ECPAS: variants seen among roughly 807,000 people sequenced by gnomAD.
ECPAS encodes the protein Ecm29 proteasome adaptor and scaffold, also known as proteasome adapter and scaffold protein ECM29.
Under a neutral mutation model 255.1 loss-of-function variants are expected in ECPAS, and 70 were observed. That is an observed-to-expected ratio of 0.27 (90% CI 0.23 to 0.33). The LOEUF (loss-of-function observed/expected upper bound fraction) is 0.33, where lower values mean the gene tolerates loss of function less well. ECPAS is among the 10% of genes least tolerant of loss of function. The pLI, the probability that ECPAS is intolerant of heterozygous loss-of-function variation, is 1.00. For missense variants in ECPAS, 1,817 were observed against 2,206.4 expected (o/e 0.82, Z 3.54); for synonymous variants, 784 against 775.0 (o/e 1.01, Z -0.19).
intron 28 of ECPAS, among the ~76,000 whole-genome samples, chr9:111,392,360 A>T (rs2098161417): frequency 6.6e-6 from 1 of 152,248 alleles, no homozygotes; most frequent in African/African-American, 2.4e-5. Context: ...ATGTGGTAGC[A>T]CATGAAAAAC....
chr9:111,471,477 T>C (rs1050132687), intron 2 of ECPAS, among the ~76,000 whole-genome samples: 15 of 152,184 alleles, frequency 9.9e-5, no homozygotes, highest in African/African-American at 3.1e-4. Flanking sequence ...TACCAAAACA[T>C]AGTAGAATGC....
intron 1 of ECPAS, chr9:111,483,579 G>T (rs903728741): frequency 1.7e-5 from 12 of 708,212 alleles, no homozygotes; most frequent in African/African-American, 3.9e-5. Flanking sequence ...GGGGCTGGGG[G>T]GGCAGGGCGC....
chr9:111,466,618 C>T (rs1224269211), intron 2 of ECPAS, among the ~76,000 whole-genome samples: 2 of 48,978 alleles, frequency 4.1e-5, no homozygotes, highest in Admixed American at 2.3e-4. Flanking sequence ...TAACTAAATA[C>T]ACACACACAC....
chr9:111,427,107 C>A (rs1589182883), intron 10 of ECPAS, among the ~76,000 whole-genome samples: 1 of 144,910 alleles, frequency 6.9e-6, no homozygotes. Context: ...CTGAGTGAGA[C>A]AAGATTGTGC....
intron 21 of ECPAS, 102 bp downstream of exon 21, chr9:111,411,912 G>A (rs549318428): frequency 9.3e-7 from 1 of 1,075,054 alleles, no homozygotes; most frequent in African/African-American, 1.7e-5. Context: ...CAAGGAATTT[G>A]TAAGTTCATT....
chr9:111,483,524 G>A (rs2098310125), intron 1 of ECPAS: 1 of 979,154 alleles, frequency 1.0e-6, no homozygotes, highest in Non-Finnish European at 1.2e-6. Flanking sequence ...CTGGGAGGCG[G>A]AGGCGGCGGC....
intron 31 of ECPAS, among the ~76,000 whole-genome samples, chr9:111,389,338 A>T (rs1296201515): frequency 1.3e-5 from 2 of 152,230 alleles, no homozygotes; most frequent in Admixed American, 1.3e-4. Context: ...CCCAGTGGAC[A>T]TTTATATTGT....
At chr9:111,382,544 A>G (rs1313439650) in intron 35 of ECPAS, among the ~76,000 whole-genome samples, 21 of 152,152 alleles carry the variant, frequency 1.4e-4, no homozygotes. Context: ...CTGGGATTAC[A>G]GGCACCAGCC....
Position 111,425,828 on chromosome 9 carries a change from C to A in ECPAS, c.1051G>T (p.Val351Leu). Reference sequence around the variant, plus strand: ...GTACCAAAAAGTCCATCATACACCACCTATGTAAAATGAAGAGTTGAGAAC... The same window carrying A: ...GTACCAAAAAGTCCATCATACACCAACTATGTAAAATGAAGAGTTGAGAAC... ...AAETFPANIQ[V>L]VYDGLFGTNT... is the part of the protein sequence containing the mutation. Residue 351 changes from valine to leucine, a missense_variant and splice_region_variant, in exon 11 of 50, where the codon GTG becomes TTG. By Grantham distance (32) the Val-to-Leu change is conservative (BLOSUM62 1). Coordinates refer to ENST00000684092, the MANE Select transcript of ECPAS (RefSeq NM_001364929.1). 6.8e-7 allele frequency: 1 copy of A among 1,470,088 alleles called. No individual in the cohort carries two copies. The highest frequency in any genetic ancestry group is 9.4e-7 in the Non-Finnish European group (1 of 1,062,446). 91.1% of individuals were successfully genotyped at this position (1,470,088 alleles called of 1,614,324 possible). A position where few individuals can be genotyped will look rare whatever the true frequency, so the allele number is the denominator to read the frequency against.
At chr9:111,482,626 C>A (rs947889049) in intron 1 of ECPAS, among the ~76,000 whole-genome samples, 3 of 151,570 alleles carry the variant, frequency 2.0e-5, no homozygotes, top group Non-Finnish European at 4.4e-5. Context: ...TTGTTTTTGC[C>A]ATAAACTGAA....
At chr9:111,435,846 AT>A (rs201323788) in intron 7 of ECPAS, among the ~76,000 whole-genome samples, 2,832 of 127,522 alleles carry the variant, frequency 0.022, 73 homozygotes, top group African/African-American at 0.057. Flanking sequence ...CGCCCAGCTA[AT>A]TTTTTTTTTT....
intron 5 of ECPAS, among the ~76,000 whole-genome samples, chr9:111,440,893 G>A (rs931135404): frequency 3.9e-5 from 6 of 152,274 alleles, no homozygotes; most frequent in African/African-American, 9.6e-5. Flanking sequence ...GGCTGGGCGC[G>A]GTGGCTCATG....
At chr9:111,455,801 G>A (rs1203601105) in intron 2 of ECPAS, among the ~76,000 whole-genome samples, 2 of 152,214 alleles carry the variant, frequency 1.3e-5, no homozygotes, top group Non-Finnish European at 2.9e-5. Context: ...GAGGAATCAA[G>A]TATGTGCTGT....
intron 18 of ECPAS, among the ~76,000 whole-genome samples, chr9:111,415,533 T>C (rs1422039189): frequency 1.3e-5 from 2 of 151,916 alleles, no homozygotes; most frequent in African/African-American, 4.8e-5. Context: ...AACCCATCTC[T>C]ACCAAAAAGA....
At chr9:111,386,018 G>A (rs1172529794) in intron 32 of ECPAS, among the ~76,000 whole-genome samples, 1 of 152,192 alleles carries the variant, frequency 6.6e-6, no homozygotes, top group Non-Finnish European at 1.5e-5. Context: ...GGAGTTCAAT[G>A]GCACAATCTC....
chr9:111,459,746 C>G (rs1386995722), intron 2 of ECPAS, among the ~76,000 whole-genome samples: 2 of 152,122 alleles, frequency 1.3e-5, no homozygotes, highest in Non-Finnish European at 2.9e-5. Flanking sequence ...ATACAACTCA[C>G]AATTATAAAT....
Position 111,361,879 on chromosome 9 carries a change from A to T in ECPAS, c.*151T>A. On this transcript the variant is annotated 3_prime_UTR_variant, in exon 50 of 50. Coordinates refer to ENST00000684092, the MANE Select transcript of ECPAS (RefSeq NM_001364929.1). ...ATAAAGTAAAATAAAGCTAATAAGG[A>T]ACAAAATTTAAGGCTTTTTCTTTTT... 6.5e-6 allele frequency: 6 copies of T among 923,782 alleles called. No homozygotes were observed. Among genetic ancestry groups the T allele is most frequent in the Non-Finnish European group, 9.4e-6 (6 of 638,424 alleles). The allele number at this position is 923,782 out of a possible 1,614,324, so 57.2% of individuals were successfully genotyped here. A position where few individuals can be genotyped will look rare whatever the true frequency, so the allele number is the denominator to read the frequency against.
At chr9:111,374,227 G>A (rs1380231728) in intron 38 of ECPAS, among the ~76,000 whole-genome samples, 189 bp from the exon 39 acceptor site, 1 of 152,100 alleles carries the variant, frequency 6.6e-6, no homozygotes, top group African/African-American at 2.4e-5. Flanking sequence ...ACCTCCAAGA[G>A]AAAGATGGGT....
intron 31 of ECPAS, among the ~76,000 whole-genome samples, chr9:111,387,410 G>A (rs1589132143): frequency 6.6e-6 from 1 of 152,020 alleles, no homozygotes; most frequent in East Asian, 1.9e-4. Flanking sequence ...CAGTTACTGA[G>A]AGACAGTGTC....
Sources: allele counts gnomAD v4.1 joint callset (sites outside exome capture counted in the v4.1 genomes callset), GRCh38; gene constraint gnomAD v4.1.1; transcripts MANE v1.5; gene names NCBI Gene and HGNC (gene_info 2026-07-23, HGNC 2026-07-21).